Variants in KDM4C observed in about 807,000 individuals in gnomAD.
KDM4C encodes lysine demethylase 4C.
In KDM4C, 81 loss-of-function variants were observed where a neutral mutation model predicts 129.3. The observed-to-expected ratio is 0.63, with a 90% confidence interval of 0.52 to 0.75. The LOEUF (loss-of-function observed/expected upper bound fraction) is 0.75, where lower values mean the gene tolerates loss of function less well. Among genes scored for constraint, KDM4C ranks in the 30% least tolerant of loss-of-function variants. The pLI, the probability that KDM4C is intolerant of heterozygous loss-of-function variation, is 0.00. For missense variants in KDM4C, 1,457 were observed against 1,304.0 expected, an observed-to-expected ratio of 1.12 and a Z score of -1.81; for synonymous variants, 573 against 456.1, an observed-to-expected ratio of 1.26 and a Z score of -3.26.
chr9:7,018,525 G>A (rs542352726), intron 15 of KDM4C, among the ~76,000 whole-genome samples: 15 of 152,332 alleles, frequency 9.8e-5, no homozygotes, highest in African/African-American at 2.6e-4. Context: ...TGCAGAATCA[G>A]TTTGGTCAGT....
intron 5 of KDM4C, among the ~76,000 whole-genome samples, chr9:6,876,661 T>C (rs1376124844): frequency 6.6e-6 from 1 of 152,134 alleles, no homozygotes; most frequent in Non-Finnish European, 1.5e-5. Context: ...AGTAGTGCCG[T>C]GGTGTAGGGT....
At chr9:6,892,528 A>G (rs1413307835) in intron 7 of KDM4C, among the ~76,000 whole-genome samples, 1 of 152,188 alleles carries the variant, frequency 6.6e-6, no homozygotes, top group Non-Finnish European at 1.5e-5. Context: ...TCTAACATAC[A>G]TATATTTGAA....
intron 4 of KDM4C, among the ~76,000 whole-genome samples, chr9:6,839,326 C>G (rs905135525): frequency 1.3e-5 from 2 of 151,826 alleles, no homozygotes; most frequent in Non-Finnish European, 2.9e-5. Context: ...ACCTCCTGGG[C>G]TCAAACCATT....
intron 1 of KDM4C, among the ~76,000 whole-genome samples, chr9:6,750,926 C>T (rs952041496): frequency 1.3e-5 from 2 of 152,202 alleles, no homozygotes; most frequent in Non-Finnish European, 2.9e-5. Flanking sequence ...AAGATGGCCT[C>T]ACTTACCCAT....
intron 11 of KDM4C, among the ~76,000 whole-genome samples, chr9:6,987,555 G>A (rs932942649): frequency 2.6e-5 from 4 of 152,230 alleles, no homozygotes; most frequent in African/African-American, 9.6e-5. Flanking sequence ...GGTTGCGCTG[G>A]CTGCAGAACA....
intron 1 of KDM4C, among the ~76,000 whole-genome samples, chr9:6,732,223 G>T (rs993498212): frequency 1.3e-5 from 2 of 151,328 alleles, no homozygotes; most frequent in Non-Finnish European, 2.9e-5. Flanking sequence ...AAATTAGCCG[G>T]GCGTGGTGGT....
chr9:6,904,188 G>A (rs183138838), intron 8 of KDM4C, among the ~76,000 whole-genome samples: 7 of 151,982 alleles, frequency 4.6e-5, no homozygotes, highest in Admixed American at 4.6e-4. Flanking sequence ...GTGGTGAGCT[G>A]ACATTGTGCC....
intron 12 of KDM4C, among the ~76,000 whole-genome samples, chr9:7,001,855 G>A (rs968497633): frequency 2.0e-5 from 3 of 151,928 alleles, no homozygotes; most frequent in Admixed American, 6.6e-5. Flanking sequence ...TGCTGTTAAT[G>A]AAATAGCTTA....
At chr9:6,813,545 G>A (rs1368476355) in intron 3 of KDM4C, among the ~76,000 whole-genome samples, 1 of 151,704 alleles carries the variant, frequency 6.6e-6, no homozygotes. Flanking sequence ...AATCTAAAAT[G>A]TCCAGTATGC....
At chr9:6,781,101 C>A (rs192377567) in intron 1 of KDM4C, among the ~76,000 whole-genome samples, 8 of 152,250 alleles carry the variant, frequency 5.3e-5, no homozygotes, top group Admixed American at 5.2e-4. Flanking sequence ...AGTGATTGTG[C>A]CAGGCTAGTC....
chr9:6,837,083 G>A (rs77802222), intron 4 of KDM4C, among the ~76,000 whole-genome samples: 6,564 of 151,974 alleles, frequency 0.043, 203 homozygotes, highest in East Asian at 0.15. Flanking sequence ...TTTAAGACAG[G>A]GTCTTGCCCT....
At position 6,778,525 on chromosome 9, in the gene KDM4C, G is replaced by A. The variant is rs1335478579; in HGVS notation, c.-17-14447G>A. Among the ~76,000 whole-genome samples the A allele has an allele frequency of 2.6e-5, 4 of 151,696 alleles. No homozygotes were observed. The South Asian group carries it at 8.3e-4, about 32-fold the overall frequency. ...CTCACGCCTGTAATCCCAGCACTTTGGGAGGCTAAGCTGGGAGGATCACCT... is the reference window on the plus strand; with the variant it reads ...CTCACGCCTGTAATCCCAGCACTTTAGGAGGCTAAGCTGGGAGGATCACCT... On this transcript the variant is annotated intron_variant, in intron 1 of 21. Coordinates refer to ENST00000381309, the MANE Select transcript of KDM4C (RefSeq NM_015061.6).
chr9:7,167,168 A>G (rs976354526), intron 20 of KDM4C, among the ~76,000 whole-genome samples: 2 of 152,202 alleles, frequency 1.3e-5, no homozygotes, highest in African/African-American at 4.8e-5. Flanking sequence ...TTTAAGAATA[A>G]TTTTTTAATA....
At chr9:6,778,077 C>G (rs966912618) in intron 1 of KDM4C, among the ~76,000 whole-genome samples, 1 of 150,204 alleles carries the variant, frequency 6.7e-6, no homozygotes, top group African/African-American at 2.5e-5. Flanking sequence ...TGCCACCATG[C>G]TTGCCTAATT....
At position 7,103,747 on chromosome 9, in the gene KDM4C, C is replaced by T. The variant is rs148432494; in HGVS notation, c.2487C>T (p.Tyr829=). 25 of 1,613,988 alleles carry T rather than the reference C, an allele frequency of 1.5e-5. No homozygotes were observed. Among genetic ancestry groups the T allele is most frequent in the African/African-American group, 4.0e-5 (3 of 75,008 alleles). Residue 829 remains tyrosine (Y), a synonymous_variant, in exon 18 of 22, where the codon TAC becomes TAT. Transcript: ENST00000381309. Reference sequence around the variant, plus strand: ...CTGGAGCCTGCATCCAGTGTTCCTACGGTCGCTGCCCGGCCTCCTTCCATG... The same window carrying T: ...CTGGAGCCTGCATCCAGTGTTCCTATGGTCGCTGCCCGGCCTCCTTCCATG... ...RVSGACIQCS[Y]GRCPASFHVT...
intron 5 of KDM4C, among the ~76,000 whole-genome samples, chr9:6,861,110 A>G (rs1840845451): frequency 6.6e-6 from 1 of 152,172 alleles, no homozygotes; most frequent in Non-Finnish European, 1.5e-5. Context: ...CACATCTATA[A>G]TTTGTAAGTT....
At chr9:6,848,634 A>T (rs928071890) in intron 4 of KDM4C, among the ~76,000 whole-genome samples, 1 of 151,908 alleles carries the variant, frequency 6.6e-6, no homozygotes, top group Non-Finnish European at 1.5e-5. Flanking sequence ...GCACCACTGC[A>T]CTCCAGCCTG....
chr9:7,165,084 A>G (rs1454726562), intron 19 of KDM4C, among the ~76,000 whole-genome samples, 154 bp from the exon 20 acceptor site: 1 of 152,054 alleles, frequency 6.6e-6, no homozygotes, highest in Non-Finnish European at 1.5e-5. Context: ...CCTTTGGCTC[A>G]TATCTCTTCC....
chr9:6,882,647 T>C (rs934556216), intron 6 of KDM4C, among the ~76,000 whole-genome samples: 6 of 152,212 alleles, frequency 3.9e-5, no homozygotes, highest in African/African-American at 1.4e-4. Flanking sequence ...TCAATTCTTT[T>C]AGATCCTTAT....
Sources: allele counts gnomAD v4.1 joint callset (sites outside exome capture counted in the v4.1 genomes callset), GRCh38; gene constraint gnomAD v4.1.1; transcripts MANE v1.5; gene names NCBI Gene and HGNC (gene_info 2026-07-23, HGNC 2026-07-21).